Variants in CDCA7 observed in about 807,000 individuals in gnomAD.
CDCA7 encodes cell division cycle-associated protein 7.
Under a neutral mutation model 54.0 loss-of-function variants are expected in CDCA7, and 28 were observed. That is an observed-to-expected ratio of 0.52 (90% CI 0.38 to 0.71). CDCA7 has a LOEUF of 0.71. CDCA7 is among the 30% of genes least tolerant of loss of function. The probability of loss-of-function intolerance (pLI) is 0.00; values close to 1 mark genes in which losing one functional copy is unlikely to be tolerated. For missense variants in CDCA7, 484 were observed against 586.0 expected, an observed-to-expected ratio of 0.83 and a Z score of 1.80; for synonymous variants, 180 against 208.2, an observed-to-expected ratio of 0.86 and a Z score of 1.16.
intron 5 of CDCA7, chr2:173,364,496 A>C: frequency 4.3e-6 from 1 of 233,642 alleles, no homozygotes; most frequent in Non-Finnish European, 8.1e-6. Flanking sequence ...GTCAAGAGAC[A>C]TCAGAGAAAA....
chr2:173,357,405 A>G (rs1480888204), intron 1 of CDCA7, among the ~76,000 whole-genome samples: 2 of 152,234 alleles, frequency 1.3e-5, no homozygotes, highest in Non-Finnish European at 2.9e-5. Flanking sequence ...GGAATCCGGT[A>G]TCCCACCTGC....
chr2:173,367,717 G>C lies in CDCA7; in HGVS notation c.*53G>C. ...TACTTCTCAAATCTTTCTTGTAAAA[G>C]TTTCCAATTTTTTCACTGAAACCTG... On this transcript the variant is annotated 3_prime_UTR_variant, in exon 10 of 10. Transcript: ENST00000306721. 1 of 1,598,154 alleles carries C rather than the reference G, an allele frequency of 6.3e-7. No homozygotes were observed. Among genetic ancestry groups the C allele is most frequent in the South Asian group, 1.1e-5 (1 of 90,098 alleles).
chr2:173,355,270 A>G (rs1574212008), intron 1 of CDCA7, among the ~76,000 whole-genome samples: 1 of 152,182 alleles, frequency 6.6e-6, no homozygotes, highest in East Asian at 1.9e-4. Flanking sequence ...TGCGTCCGCC[A>G]AAGGCCGGAC....
chr2:173,357,691 T>C (rs1686535356), intron 1 of CDCA7, among the ~76,000 whole-genome samples: 2 of 152,180 alleles, frequency 1.3e-5, no homozygotes, highest in African/African-American at 4.8e-5. Context: ...TTTTGTACTT[T>C]TGAAATTTCC....
At chr2:173,355,006 C>G in intron 1 of CDCA7, 22 bp downstream of exon 1, 3 of 1,373,346 alleles carry the variant, frequency 2.2e-6, no homozygotes, top group Non-Finnish European at 2.8e-6. Context: ...GCGGGCGAAC[C>G]CGAGGGGCGG....
At position 173,366,795 on chromosome 2, in the gene CDCA7, C is replaced by T. The variant is rs550476547; in HGVS notation, c.1186-355C>T. Among the ~76,000 whole-genome samples, 3 of 152,272 alleles carry T rather than the reference C, an allele frequency of 2.0e-5. No homozygotes were observed. In the South Asian group the frequency reaches 6.2e-4, roughly 32 times the overall value. On this transcript the variant is annotated intron_variant, in intron 8 of 9. Coordinates refer to ENST00000306721, the MANE Select transcript of CDCA7 (RefSeq NM_031942.5). The surrounding 1 kb of genome is among the most constrained non-coding windows in gnomAD (Gnocchi z 4.5). ...TCTCTTGACCTCGTGATCCACCCGCCTCGGCCTCCTGAAGTGCTGGGATTA... is the reference window on the plus strand; with the variant it reads ...TCTCTTGACCTCGTGATCCACCCGCTTCGGCCTCCTGAAGTGCTGGGATTA...
In CDCA7 at chr2:173,363,322, A is replaced by C. The variant is rs144249147; in HGVS notation, c.481A>C (p.Arg161=). ...GATGAAGTTTCCAGCGCGGAGTACC[A>C]GGGGAGCAACCAACAAAAAAGCAGA... ...VAMKFPARST[R]GATNKKAESR... is the part of the protein sequence containing the mutation. Residue 161 remains arginine (R), a synonymous_variant, in exon 4 of 10, where the codon AGG becomes CGG. Transcript: ENST00000306721. 137 of 1,614,086 alleles carry C rather than the reference A, an allele frequency of 8.5e-5. 1 individual carries two copies. In the African/African-American group the frequency reaches 1.6e-3, roughly 19 times the overall value.
In CDCA7 at chr2:173,367,294, G is replaced by A. The variant is rs200180973; in HGVS notation, c.1322+8G>A. On this transcript the variant is annotated splice_region_variant and intron_variant, in intron 9 of 9. Coordinates refer to ENST00000306721, the MANE Select transcript of CDCA7 (RefSeq NM_031942.5). ...GCATGCCTACTTGAAAAGGTAGTGG[G>A]TGTTTTTTTTTCCCTTCCACATCTG... 5.6e-6 allele frequency: 9 copies of A among 1,613,964 alleles called. No individual in the cohort carries two copies. The highest frequency in any genetic ancestry group is 6.8e-6 in the Non-Finnish European group (8 of 1,179,964).
chr2:173,365,357 C>CT (rs1374045475), intron 6 of CDCA7, 95 bp from the exon 7 acceptor site: 12 of 1,367,528 alleles, frequency 8.8e-6, no homozygotes, highest in Non-Finnish European at 1.2e-5. Flanking sequence ...AGTTTTGAAT[C>CT]TCTGTGTTTC....
intron 8 of CDCA7, 98 bp from the exon 9 acceptor site, chr2:173,367,052 A>C (rs1253559720): frequency 5.4e-6 from 8 of 1,478,608 alleles, no homozygotes; most frequent in Admixed American, 4.6e-5. Flanking sequence ...TAATCATATA[A>C]ATTTTTAACC....
intron 2 of CDCA7, 115 bp downstream of exon 2, chr2:173,358,952 T>C (rs999140618): frequency 7.4e-7 from 1 of 1,354,724 alleles, no homozygotes; most frequent in African/African-American, 1.5e-5. Context: ...ACAGCCGTTA[T>C]GAAAATACAG....
rs200211368 is a variant in CDCA7 at position 173,367,620 on chromosome 2, T to G, written c.1323-14T>G. ...AAAACTATGTCCTGACACATTTCCT[T>G]TTGTTTTTCACAGCCTGAAACAGGA... On this transcript the variant is annotated splice_polypyrimidine_tract_variant and intron_variant, in intron 9 of 9. Transcript: ENST00000306721. The G allele has an allele frequency of 6.2e-7, 1 of 1,614,124 alleles. No homozygotes were observed. The highest frequency in any genetic ancestry group is 8.5e-7 in the Non-Finnish European group (1 of 1,179,998).
intron 1 of CDCA7, among the ~76,000 whole-genome samples, chr2:173,355,465 A>G (rs1037464654): frequency 2.0e-5 from 3 of 152,204 alleles, no homozygotes; most frequent in African/African-American, 4.8e-5. Context: ...CCGCCCGGCA[A>G]GAGACGCGTC....
chr2:173,358,700 T>G lies in CDCA7; in HGVS notation c.22-12T>G, dbSNP rs765866818. 29 of 1,611,468 alleles carry G rather than the reference T, an allele frequency of 1.8e-5. No individual in the cohort carries two copies. The South Asian group carries it at 2.7e-4, about 15-fold the overall frequency. ...GCATCACGCTTAATAGGATTGCTAT[T>G]TCCATTTGCAGCAGAAAGATCTCAG... On this transcript the variant is annotated splice_polypyrimidine_tract_variant and intron_variant, in intron 1 of 9. Coordinates refer to ENST00000306721, the MANE Select transcript of CDCA7 (RefSeq NM_031942.5).
Position 173,363,381 on chromosome 2 carries a change from T to C in CDCA7, c.540T>C (p.Asp180=), listed in dbSNP as rs1401162375. Reference sequence around the variant, plus strand: ...AGCCCTCAGAGAATTCTGTGACTGATTCCAACTCCGATTCAGAAGATGAAA... The same window carrying C: ...AGCCCTCAGAGAATTCTGTGACTGACTCCAACTCCGATTCAGAAGATGAAA... ...SRQPSENSVT[D]SNSDSEDESG... Residue 180 remains aspartate (D), a synonymous_variant, in exon 4 of 10, where the codon GAT becomes GAC. Transcript: ENST00000306721. 6.2e-7 allele frequency: 1 copy of C among 1,614,184 alleles called. No homozygotes were observed. Among genetic ancestry groups the C allele is most frequent in the Non-Finnish European group, 8.5e-7 (1 of 1,180,022 alleles).
At chr2:173,356,452 C>T (rs557344988) in intron 1 of CDCA7, among the ~76,000 whole-genome samples, 1 of 152,324 alleles carries the variant, frequency 6.6e-6, no homozygotes, top group Admixed American at 6.5e-5. Flanking sequence ...CTTCCTGCCC[C>T]TGTGATCTTG....
intron 1 of CDCA7, among the ~76,000 whole-genome samples, chr2:173,358,137 T>C (rs184865411): frequency 2.6e-3 from 390 of 151,098 alleles, no homozygotes; most frequent in African/African-American, 8.9e-3. Context: ...GAGGCGGAGC[T>C]TGCAGTGAGC....
intron 3 of CDCA7, among the ~76,000 whole-genome samples, chr2:173,362,267 A>G (rs895836616): frequency 2.0e-5 from 3 of 152,240 alleles, no homozygotes; most frequent in African/African-American, 7.2e-5. Context: ...TCAAATGTAT[A>G]GACAGAAAAT....
rs1558950925 is a variant in CDCA7 at position 173,365,924 on chromosome 2, A to C, written c.1035+332A>C. Among the ~76,000 whole-genome samples, 3 of 152,282 alleles carry C rather than the reference A, an allele frequency of 2.0e-5. No individual in the cohort carries two copies. The South Asian group carries it at 6.2e-4, about 32-fold the overall frequency. ...GGTGGTACACCAAAGATAAAAGTGGATTTGGGTAGGTTATTTTTTAATAAG... is the reference window on the plus strand; with the variant it reads ...GGTGGTACACCAAAGATAAAAGTGGCTTTGGGTAGGTTATTTTTTAATAAG... On this transcript the variant is annotated intron_variant, in intron 7 of 9. Coordinates refer to ENST00000306721, the MANE Select transcript of CDCA7 (RefSeq NM_031942.5).
Sources: gnomAD v4.1 joint callset for allele counts (sites outside exome capture counted in the v4.1 genomes callset) on GRCh38, gnomAD v4.1.1 for gene constraint, Gnocchi (gnomAD v3.1) non-coding constraint, MANE v1.5 for transcripts, NCBI Gene and HGNC (gene_info 2026-07-23, HGNC 2026-07-21) for gene names.